The following RELCH variants were observed in gnomAD, a reference collection of about 807,000 sequenced individuals.
The protein encoded by RELCH is RAB11 binding and LisH domain, coiled-coil and HEAT repeat containing.
Under a neutral mutation model 150.3 loss-of-function variants are expected in RELCH, and 41 were observed. The observed-to-expected ratio is 0.27, with a 90% confidence interval of 0.21 to 0.35. The LOEUF (loss-of-function observed/expected upper bound fraction) is 0.35. Among genes scored for constraint, RELCH ranks in the 10% least tolerant of loss-of-function variants. RELCH has a pLI of 1.00. For missense variants in RELCH, 1,092 were observed against 1,467.8 expected, an observed-to-expected ratio of 0.74 and a Z score of 4.18; for synonymous variants, 478 against 531.8, an observed-to-expected ratio of 0.90 and a Z score of 1.39.
At chr18:62,236,285 AC>A (rs1199088851) in intron 10 of RELCH, among the ~76,000 whole-genome samples, 5 of 151,794 alleles carry the variant, frequency 3.3e-5, no homozygotes, top group African/African-American at 1.2e-4. Context: ...ATGTTAAACC[AC>A]CCTTGCATTC....
Position 62,258,575 on chromosome 18 carries a change from C to G in RELCH, c.2101C>G (p.Gln701Glu). 6.2e-7 allele frequency: 1 copy of G among 1,605,948 alleles called. No homozygotes were observed. The highest frequency in any genetic ancestry group is 8.5e-7 in the Non-Finnish European group (1 of 1,177,076). ...AGAAAGAGTAGTTAGTGCTACACATCAAGTATTTTTACCAGCTTACGCTGC... is the reference window on the plus strand; with the variant it reads ...AGAAAGAGTAGTTAGTGCTACACATGAAGTATTTTTACCAGCTTACGCTGC... ...PSERVVSATH[Q>E]VFLPAYAAWT... The change falls in exon 15 of 29, where the codon CAA becomes GAA. Residue 701 changes from glutamine to glutamate, a missense_variant. Transcript: ENST00000644646.
At chr18:62,279,291 T>C (rs538390436) in intron 22 of RELCH, among the ~76,000 whole-genome samples, 2 of 152,194 alleles carry the variant, frequency 1.3e-5, no homozygotes, top group Non-Finnish European at 2.9e-5. Context: ...TATATGGTTT[T>C]AAAATACACT....
intron 18 of RELCH, among the ~76,000 whole-genome samples, chr18:62,265,638 A>T (rs1249875935): frequency 6.6e-6 from 1 of 152,068 alleles, no homozygotes; most frequent in African/African-American, 2.4e-5. Context: ...AGTAAATAGT[A>T]TGCTATAAGG....
chr18:62,232,124 A>G (rs546606507), intron 9 of RELCH, among the ~76,000 whole-genome samples: 11 of 152,066 alleles, frequency 7.2e-5, no homozygotes, highest in African/African-American at 2.6e-4. Context: ...TTTCTAGCCC[A>G]AAGAAATATG....
At chr18:62,232,500 G>T in intron 10 of RELCH, 73 bp downstream of exon 10, 2 of 877,656 alleles carry the variant, frequency 2.3e-6, no homozygotes, top group African/African-American at 1.7e-5. Context: ...TTGAAGTTGA[G>T]TGTTATATTT....
At chr18:62,281,922 T>A (rs1314406407) in intron 24 of RELCH, among the ~76,000 whole-genome samples, 1 of 152,220 alleles carries the variant, frequency 6.6e-6, no homozygotes, top group Admixed American at 6.5e-5. Context: ...AAGTCATTAA[T>A]GACTCATTGC....
intron 26 of RELCH, 144 bp from the exon 27 acceptor site, chr18:62,291,399 T>C: frequency 2.0e-6 from 1 of 494,356 alleles, no homozygotes; most frequent in Non-Finnish European, 3.6e-6. Flanking sequence ...GGATTCATGC[T>C]TGAGGGGAGC....
chr18:62,199,045 A>AATATTT (rs923539261), intron 1 of RELCH, among the ~76,000 whole-genome samples: 2 of 150,742 alleles, frequency 1.3e-5, no homozygotes, highest in African/African-American at 4.9e-5. Flanking sequence ...TATTTTCTTG[A>AATATTT]ATATTTATAT....
At chr18:62,259,645 C>A (rs1166738181) in intron 15 of RELCH, among the ~76,000 whole-genome samples, 1 of 151,870 alleles carries the variant, frequency 6.6e-6, no homozygotes, top group African/African-American at 2.4e-5. Flanking sequence ...TCTGAAAATT[C>A]ATGTGGAACC....
rs753355509 is a variant in RELCH at position 62,187,611 on chromosome 18, C to A, written c.106C>A (p.Arg36=). 6.5e-7 allele frequency: 1 copy of A among 1,532,626 alleles called. No individual in the cohort carries two copies. Among genetic ancestry groups the A allele is most frequent in the African/African-American group, 1.4e-5 (1 of 72,326 alleles). 94.9% of individuals were successfully genotyped at this position (1,532,626 alleles called of 1,614,324 possible). Residue 36 remains arginine, a synonymous_variant, in exon 1 of 29, where the codon CGG becomes AGG. Coordinates refer to ENST00000644646, the MANE Select transcript of RELCH (RefSeq NM_001346231.2). ...DDEVAATEER[R]AVLRLGAGSG... ...CGAGGTAGCTGCAACAGAGGAACGG[C>A]GGGCAGTACTTCGGCTGGGCGCCGG...
In RELCH at chr18:62,232,310, TATTA is replaced by T; in HGVS notation, c.1525-18_1525-15del. The stretch of plus-strand genomic sequence containing the variant: ...ACAGAAGTTCTCCACTATCATTGTT[TATTA>T]ATTCTTTGGTTTTCTAGGTGTCTCG... On this transcript the variant is annotated intron_variant, in intron 9 of 28. Transcript: ENST00000644646. 6.7e-7 allele frequency: 1 copy of T among 1,501,674 alleles called. No individual in the cohort carries two copies. The highest frequency in any genetic ancestry group is 9.3e-7 in the Non-Finnish European group (1 of 1,078,904). 93.0% of individuals were successfully genotyped at this position (1,501,674 alleles called of 1,614,324 possible).
Position 62,250,303 on chromosome 18 carries a change from T to C in RELCH, c.1734-2361T>C, listed in dbSNP as rs541122484. Among the ~76,000 whole-genome samples, 10 of 152,332 alleles carry C rather than the reference T, an allele frequency of 6.6e-5. No individual in the cohort carries two copies. In the South Asian group the frequency reaches 2.1e-3, roughly 32 times the overall value. On this transcript the variant is annotated intron_variant, in intron 11 of 28. Transcript: ENST00000644646. ...TATAGTGATGGTGACTTATGATTTA[T>C]AGTCATTTCATGTGAAGCTCTATAC... is the stretch of plus-strand genomic sequence containing the variant.
chr18:62,194,737 A>C (rs1380073006), intron 1 of RELCH, among the ~76,000 whole-genome samples: 1 of 152,210 alleles, frequency 6.6e-6, no homozygotes, highest in Non-Finnish European at 1.5e-5. Context: ...TTGTTGGTTG[A>C]TTATAAACGG....
chr18:62,283,166 G>A (rs2044611332), intron 25 of RELCH, among the ~76,000 whole-genome samples: 1 of 152,070 alleles, frequency 6.6e-6, no homozygotes, highest in African/African-American at 2.4e-5. Flanking sequence ...ATGTTCTTAT[G>A]AAAAACAGAC....
At chr18:62,264,996 A>C in intron 18 of RELCH, 144 bp downstream of exon 18, 1 of 629,410 alleles carries the variant, frequency 1.6e-6, no homozygotes, top group East Asian at 3.0e-5. Context: ...TGATAGTAAA[A>C]AAAAGTTCTA....
At chr18:62,210,206 C>T (rs758010366) in intron 1 of RELCH, among the ~76,000 whole-genome samples, 15 of 152,136 alleles carry the variant, frequency 9.9e-5, no homozygotes, top group East Asian at 3.9e-4. Context: ...TTTGGTTTTT[C>T]GCTATTTGAT....
intron 1 of RELCH, among the ~76,000 whole-genome samples, chr18:62,200,964 CTTTTTTTTTTTTTTTTT>C (rs543882947): frequency 1.8e-5 from 1 of 54,988 alleles, no homozygotes; most frequent in Non-Finnish European, 3.1e-5. Context: ...TTTTTCTTTG[CTTTTTTTTTTTTTTTTT>C]TTTTTTTTTT....
intron 27 of RELCH, among the ~76,000 whole-genome samples, chr18:62,296,461 T>C (rs1460154327): frequency 6.6e-6 from 1 of 151,994 alleles, no homozygotes; most frequent in African/African-American, 2.4e-5. Flanking sequence ...TGGTGCATGC[T>C]TGTAATTCCA....
At chr18:62,277,782 G>A in intron 22 of RELCH, 1 of 820,392 alleles carries the variant, frequency 1.2e-6, no homozygotes, top group Non-Finnish European at 1.5e-6. Context: ...TTTTGAAGTA[G>A]CAAATTAATA....
Sources: gnomAD v4.1 joint callset for allele counts (sites outside exome capture counted in the v4.1 genomes callset) on GRCh38, gnomAD v4.1.1 for gene constraint, MANE v1.5 for transcripts, NCBI Gene and HGNC (gene_info 2026-07-23, HGNC 2026-07-21) for gene names.